MGST1: variants seen among roughly 807,000 people sequenced by gnomAD.
MGST1 encodes glutathione S-transferase 12.
Under a neutral mutation model 8.9 loss-of-function variants are expected in MGST1, and 5 were observed. That is an observed-to-expected ratio of 0.56 (90% confidence interval 0.29 to 1.19). The LOEUF (loss-of-function observed/expected upper bound fraction) is 1.19. Among genes scored for constraint, MGST1 ranks in the 50% most tolerant of loss-of-function variants. The pLI, the probability that MGST1 is intolerant of heterozygous loss-of-function variation, is 0.08. For missense variants in MGST1, 182 were observed against 187.4 expected (o/e 0.97, Z 0.17); for synonymous variants, 54 against 67.8 (o/e 0.80, Z 1.00).
chr12:16,394,225 T>A (rs1940578558), intron 1 of MGST1, among the ~76,000 whole-genome samples: 1 of 152,206 alleles, frequency 6.6e-6, no homozygotes, highest in South Asian at 2.1e-4. Context: ...ATTAATAGTA[T>A]CCCATTGTAG....
intron 1 of MGST1, among the ~76,000 whole-genome samples, chr12:16,432,421 G>A (rs938064864): frequency 8.6e-5 from 13 of 151,834 alleles, no homozygotes; most frequent in African/African-American, 2.9e-4. Flanking sequence ...GAGTACTTAT[G>A]GTCAGTGGGT....
At chr12:16,578,389 G>A (rs994599584) in intron 4 of MGST1, among the ~76,000 whole-genome samples, 3 of 152,176 alleles carry the variant, frequency 2.0e-5, no homozygotes, top group Admixed American at 2.0e-4. Context: ...GAGGGAGAAA[G>A]GGGAGGGGTC....
chr12:16,556,423 T>G (rs1030826778), intron 4 of MGST1, among the ~76,000 whole-genome samples: 4 of 151,564 alleles, frequency 2.6e-5, no homozygotes, highest in South Asian at 2.1e-4. Flanking sequence ...GATCTATATA[T>G]AAGGGACAAT....
chr12:16,398,557 A>G (rs968600414), intron 1 of MGST1, among the ~76,000 whole-genome samples: 1 of 152,208 alleles, frequency 6.6e-6, no homozygotes. Flanking sequence ...TAGATATATC[A>G]GAAAAAAAAG....
downstream of MGST1, among the ~76,000 whole-genome samples, chr12:16,441,170 ATTTAC>A (rs535284191): frequency 9.2e-5 from 14 of 151,862 alleles, no homozygotes; most frequent in South Asian, 2.5e-3. Flanking sequence ...CTTGTTTAAA[ATTTAC>A]TTTATTTTTT....
intron 4 of MGST1, among the ~76,000 whole-genome samples, chr12:16,556,551 C>T (rs938952070): frequency 6.6e-5 from 10 of 152,168 alleles, no homozygotes; most frequent in South Asian, 2.1e-4. Context: ...AATTCACAAA[C>T]GCGTAATTCC....
chr12:16,561,067 T>G (rs747345568), intron 4 of MGST1, among the ~76,000 whole-genome samples: 8 of 152,150 alleles, frequency 5.3e-5, no homozygotes, highest in Non-Finnish European at 1.0e-4. Flanking sequence ...ATACCATAGT[T>G]ATAGCTATGA....
rs2137586295 is a variant in MGST1 at position 16,587,190 on chromosome 12, G to T, written n.483-2338G>T. On this transcript the variant is annotated intron_variant and non_coding_transcript_variant, in intron 4 of 4. Transcript: ENST00000538857. The surrounding 1 kb of genome is among the most constrained non-coding windows in gnomAD (Gnocchi z 4.3). ...CTGTCAATCTCAAATATATTCATAA[G>T]CTACACACACGAAAATGAAATGAAC... 6.6e-6 allele frequency among the ~76,000 whole-genome samples: 1 copy of T among 152,212 alleles called. No homozygotes were observed. Among genetic ancestry groups the T allele is most frequent in the East Asian group, 1.9e-4 (1 of 5,174 alleles).
At chr12:16,518,204 T>A (rs1481998992) in intron 4 of MGST1, among the ~76,000 whole-genome samples, 1 of 152,188 alleles carries the variant, frequency 6.6e-6, no homozygotes, top group Non-Finnish European at 1.5e-5. Flanking sequence ...TGCTATTCAG[T>A]GACATCACTC....
At chr12:16,501,305 G>T (rs1473022279) in intron 4 of MGST1, among the ~76,000 whole-genome samples, 1 of 152,102 alleles carries the variant, frequency 6.6e-6, no homozygotes, top group East Asian at 1.9e-4. Context: ...ATGCTACTTT[G>T]AAAATGGGCT....
At position 16,363,582 on chromosome 12, in the gene MGST1, C is replaced by T. The variant is rs1206908284; in HGVS notation, c.222-213C>T. 21 of 355,208 alleles carry T rather than the reference C, an allele frequency of 5.9e-5. No individual in the cohort carries two copies. The Admixed American group carries it at 7.8e-4, about 13-fold the overall frequency. The allele number at this position is 355,208 out of a possible 1,614,324, so 22.0% of individuals were successfully genotyped here. ...ATGCCTTCTGTGATATTTAAAGATA[C>T]ACTAAAAATAAAAAGAAACAGAAAT... On this transcript the variant is annotated intron_variant, in intron 3 of 3. Transcript: ENST00000396210. The surrounding 1 kb of genome is among the most constrained non-coding windows in gnomAD (Gnocchi z 4.6).
At chr12:16,566,038 AT>A (rs1942597596) in intron 4 of MGST1, among the ~76,000 whole-genome samples, 6 of 90,508 alleles carry the variant, frequency 6.6e-5, no homozygotes, top group Non-Finnish European at 1.3e-4. Flanking sequence ...ATATATATAT[AT>A]AAAATGGAGT....
At chr12:16,479,847 G>C (rs977703812) in intron 4 of MGST1, among the ~76,000 whole-genome samples, 1 of 152,060 alleles carries the variant, frequency 6.6e-6, no homozygotes, top group African/African-American at 2.4e-5. Context: ...TTTTAGAGTA[G>C]TTCTAGGTTC....
intron 4 of MGST1, among the ~76,000 whole-genome samples, chr12:16,449,422 C>G (rs1284229523): frequency 6.6e-6 from 1 of 151,892 alleles, no homozygotes; most frequent in East Asian, 1.9e-4. Flanking sequence ...GCCCCACCTC[C>G]AACACTGGGC....
rs1382914964 is a variant in MGST1, at chr12:16,544,014, G to C, written n.483-45514G>C. Reference sequence around the variant, plus strand: ...TAAAACACTCATACTCTTCCTAAGTGTAAGCAGGTGATTTCTTATACTGCT... The same window carrying C: ...TAAAACACTCATACTCTTCCTAAGTCTAAGCAGGTGATTTCTTATACTGCT... On this transcript the variant is annotated intron_variant and non_coding_transcript_variant, in intron 4 of 4. Coordinates refer to the MGST1 transcript ENST00000538857. This position sits in a 1 kb window ranked among gnomAD's most constrained non-coding sequence, Gnocchi z 4.8. Among the ~76,000 whole-genome samples the C allele has an allele frequency of 6.6e-6, 1 of 152,052 alleles. No individual in the cohort carries two copies. The highest frequency in any genetic ancestry group is 1.5e-5 in the Non-Finnish European group (1 of 67,984).
At chr12:16,406,712 T>C (rs1591719164) in intron 1 of MGST1, among the ~76,000 whole-genome samples, 1 of 151,980 alleles carries the variant, frequency 6.6e-6, no homozygotes, top group East Asian at 1.9e-4. Context: ...AACAGACACA[T>C]AGATCAATGG....
chr12:16,495,453 G>T (rs1024758401), intron 4 of MGST1, among the ~76,000 whole-genome samples: 13 of 151,970 alleles, frequency 8.6e-5, no homozygotes, highest in African/African-American at 3.1e-4. Context: ...TGTACCCTCT[G>T]CATCTAAAAG....
intron 4 of MGST1, among the ~76,000 whole-genome samples, chr12:16,557,481 C>T (rs1405307249): frequency 6.6e-6 from 1 of 151,378 alleles, no homozygotes; most frequent in African/African-American, 2.4e-5. Context: ...TCCTGGAGAT[C>T]ATTAAGCAAT....
intron 4 of MGST1, among the ~76,000 whole-genome samples, chr12:16,467,735 T>C (rs946817238): frequency 6.6e-6 from 1 of 152,234 alleles, no homozygotes; most frequent in Admixed American, 6.5e-5. Context: ...TATCCACCAG[T>C]CAGAAACACC....
Sources: gnomAD v4.1 joint callset for allele counts (sites outside exome capture counted in the v4.1 genomes callset) on GRCh38, gnomAD v4.1.1 for gene constraint, Gnocchi (gnomAD v3.1) non-coding constraint, MANE v1.5 for transcripts, NCBI Gene and HGNC (gene_info 2026-07-23, HGNC 2026-07-21) for gene names.